ME2: variants seen among roughly 807,000 people sequenced by gnomAD.
The protein encoded by ME2 is malic enzyme 2.
In ME2, 60 loss-of-function variants were observed where a neutral mutation model predicts 73.7. The ratio of observed to expected loss-of-function variants is 0.81; its 90% CI spans 0.66 to 1.01. The LOEUF is 1.01. Ranked by LOEUF, ME2 falls within the 50% of genes least tolerant of loss-of-function variation. The pLI, the probability that ME2 is intolerant of heterozygous loss-of-function variation, is 0.00. For missense variants in ME2, 594 were observed against 705.5 expected (o/e 0.84, Z 1.79); for synonymous variants, 199 against 236.9 (o/e 0.84, Z 1.47).
chr18:50,901,310 G>A (rs1292728475), intron 2 of ME2, among the ~76,000 whole-genome samples: 1 of 152,210 alleles, frequency 6.6e-6, no homozygotes, highest in Non-Finnish European at 1.5e-5. Flanking sequence ...CATTACAAAC[G>A]TAAATCAGTA....
chr18:50,927,741 T>C (rs1917592154), intron 12 of ME2, among the ~76,000 whole-genome samples: 1 of 134,048 alleles, frequency 7.5e-6, no homozygotes. Context: ...TATATATATA[T>C]ATATATATAT....
In ME2 at chr18:50,913,860, TACACACACACAC is replaced by T. The variant is rs1555677139; in HGVS notation, c.392+930_392+941del. Among the ~76,000 whole-genome samples the T allele has an allele frequency of 2.8e-5, 4 of 143,284 alleles. No individual in the cohort carries two copies. In the South Asian group the frequency reaches 6.9e-4, roughly 25 times the overall value. 94.0% of individuals were successfully genotyped at this position (143,284 alleles called of 152,430 possible). A position where few individuals can be genotyped will look rare whatever the true frequency, so the allele number is the denominator to read the frequency against. ...CTTTGGAAAATTATCAGCAATATTA[TACACACACACAC>T]ACACACACACACACACACATATGCT... On this transcript the variant is annotated intron_variant, in intron 4 of 15. Coordinates refer to ENST00000321341, the MANE Select transcript of ME2 (RefSeq NM_002396.5).
chr18:50,879,771 C>G (rs1162832241), intron 1 of ME2, among the ~76,000 whole-genome samples: 1 of 152,230 alleles, frequency 6.6e-6, no homozygotes, highest in Non-Finnish European at 1.5e-5. Context: ...TGGCTCCTCC[C>G]TTTAAAAAAA....
At chr18:50,908,814 T>C (rs1434030183) in intron 3 of ME2, among the ~76,000 whole-genome samples, 1 of 152,066 alleles carries the variant, frequency 6.6e-6, no homozygotes, top group East Asian at 1.9e-4. Context: ...CTAATTTTTT[T>C]ATTTGTAGTA....
Position 50,887,697 on chromosome 18 carries a change from A to G in ME2, c.-12-8112A>G, listed in dbSNP as rs188256895. ...TGTAGAAACTAGTTTTAGCTTGTAA[A>G]CTCTCAGGATCTCATATAGAGGCAA... On this transcript the variant is annotated intron_variant, in intron 1 of 15. Coordinates refer to ENST00000321341, the MANE Select transcript of ME2 (RefSeq NM_002396.5). Among the ~76,000 whole-genome samples, 296 of 152,178 alleles carry G rather than the reference A, an allele frequency of 1.9e-3. 2 individuals are homozygous for G. The highest frequency in any genetic ancestry group is 6.8e-3 in the African/African-American group (284 of 41,512).
rs115756213 is a variant in ME2 at position 50,936,831 on chromosome 18, C to T, written c.1418-2739C>T. Among the ~76,000 whole-genome samples the T allele has an allele frequency of 2.4e-3, 358 of 152,008 alleles. 2 individuals carry two copies. The highest frequency in any genetic ancestry group is 8.3e-3 in the African/African-American group (346 of 41,474). On this transcript the variant is annotated intron_variant, in intron 13 of 15. Coordinates refer to ENST00000321341, the MANE Select transcript of ME2 (RefSeq NM_002396.5). ...CTGTAGTCCCAGCTACTCCAGACACCGAGGACAGATGATCACTTGAGCCTA... is the reference window on the plus strand; with the variant it reads ...CTGTAGTCCCAGCTACTCCAGACACTGAGGACAGATGATCACTTGAGCCTA...
chr18:50,885,810 A>G (rs1463267585), intron 1 of ME2, among the ~76,000 whole-genome samples: 2 of 152,164 alleles, frequency 1.3e-5, no homozygotes, highest in African/African-American at 2.4e-5. Flanking sequence ...TCTGCAGTAT[A>G]ATAATAAATG....
In ME2 at chr18:50,918,201, C is replaced by T. The variant is rs770362131; in HGVS notation, c.722C>T (p.Ala241Val). ...YDDLIDEFMK[A>V]ITDRYGRNTL... ...GACCTGATTGATGAGTTTATGAAAG[C>T]TATTACTGACAGGTATTTTTTAAAA... Residue 241 changes from alanine (A) to valine (V), a missense_variant, in exon 7 of 16, where the codon GCT (alanine) becomes GTT (valine). By Grantham distance (64) the Ala-to-Val change is moderately conservative (BLOSUM62 0). Transcript: ENST00000321341. The T allele has an allele frequency of 2.6e-5, 41 of 1,600,682 alleles. No individual in the cohort carries two copies. Among genetic ancestry groups the T allele is most frequent in the Non-Finnish European group, 3.5e-5 (41 of 1,170,542 alleles).
At chr18:50,892,090 G>C (rs1916617942) in intron 1 of ME2, among the ~76,000 whole-genome samples, 2 of 151,898 alleles carry the variant, frequency 1.3e-5, no homozygotes, top group African/African-American at 2.4e-5. Context: ...CAAAGTGCTG[G>C]GATTACAGGG....
At chr18:50,890,357 AC>A (rs1379062983) in intron 1 of ME2, among the ~76,000 whole-genome samples, 2 of 152,118 alleles carry the variant, frequency 1.3e-5, no homozygotes, top group African/African-American at 4.8e-5. Flanking sequence ...CAAGTGATCC[AC>A]CCATCTCAGC....
chr18:50,925,771 G>T lies in ME2; in HGVS notation c.1187G>T (p.Gly396Val), dbSNP rs1166106182. The change falls in exon 12 of 16, where the codon GGC becomes GTC. Residue 396 changes from glycine to valine, a missense_variant. Transcript: ENST00000321341. ...CTTATTACAGGAGTTGCAGGTGCTGGCCGTCTTTTCACTCCTGATGTAATC... is the reference window on the plus strand; with the variant it reads ...CTTATTACAGGAGTTGCAGGTGCTGTCCGTCTTTTCACTCCTGATGTAATC... ...PSTIIGVAGA[G>V]RLFTPDVIRA... The T allele has an allele frequency of 1.2e-6, 2 of 1,613,674 alleles. No homozygotes were observed. The highest frequency in any genetic ancestry group is 1.7e-6 in the Non-Finnish European group (2 of 1,179,834).
Position 50,939,618 on chromosome 18 carries a change from G to A in ME2, c.1466G>A (p.Ser489Asn), listed in dbSNP as rs747262299. 30 of 1,611,460 alleles carry A rather than the reference G, an allele frequency of 1.9e-5. No homozygotes were observed. Among genetic ancestry groups the A allele is most frequent in the South Asian group, 1.2e-4 (11 of 91,014 alleles). ...ILCNTRHISD[S>N]VFLEAAKALT... ...TGTAACACCCGGCATATTAGTGACA[G>A]TGTTTTCCTAGAAGCTGCAAAGGTA... The change falls in exon 14 of 16, where the codon AGT becomes AAT. Residue 489 changes from serine (S) to asparagine (N), a missense_variant. Ser to Asn is a conservative substitution (Grantham distance 46). Coordinates refer to ENST00000321341, the MANE Select transcript of ME2 (RefSeq NM_002396.5).
At chr18:50,927,810 A>ATT (rs545334028) in intron 12 of ME2, among the ~76,000 whole-genome samples, 2 of 73,090 alleles carry the variant, frequency 2.7e-5, no homozygotes, top group African/African-American at 6.0e-5. Flanking sequence ...TTGTCATTTA[A>ATT]TTTTTTTTTT....
intron 15 of ME2, among the ~76,000 whole-genome samples, chr18:50,943,608 CTA>C (rs1295015600): frequency 2.0e-5 from 3 of 151,990 alleles, no homozygotes; most frequent in Non-Finnish European, 4.4e-5. Flanking sequence ...CCAGCTTTGA[CTA>C]TTAATTTTAT....
chr18:50,888,182 A>G (rs1916521384), intron 1 of ME2, among the ~76,000 whole-genome samples: 2 of 152,100 alleles, frequency 1.3e-5, no homozygotes, highest in Non-Finnish European at 2.9e-5. Flanking sequence ...TCTCTACAAA[A>G]AAAACTACAA....
rs1413938237 is a variant in ME2 at position 50,951,304 on chromosome 18, A to G, written c.*4120A>G. The G allele has an allele frequency of 1.3e-5, 2 of 152,210 alleles. No homozygotes were observed. Among genetic ancestry groups the G allele is most frequent in the Non-Finnish European group, 2.9e-5 (2 of 68,044 alleles). The allele number at this position is 152,210 out of a possible 1,614,324, so 9.4% of individuals were successfully genotyped here. A position where few individuals can be genotyped will look rare whatever the true frequency, so the allele number is the denominator to read the frequency against. ...GATCAAAACGTCATTATTAAGGAGT[A>G]TGAAGCATTATTTACTGGCTCTCAG... On this transcript the variant is annotated 3_prime_UTR_variant, in exon 16 of 16. Transcript: ENST00000321341.
At position 50,916,209 on chromosome 18, in the gene ME2, C is replaced by G; in HGVS notation, c.434C>G (p.Ser145Ter). The change falls in exon 5 of 16, where the codon TCA becomes TGA. Residue 145 changes from serine (S) to a stop codon, truncating the protein, a stop_gained. Coordinates refer to ENST00000321341, the MANE Select transcript of ME2 (RefSeq NM_002396.5). LOFTEE classifies it high-confidence loss of function. ...ATCTCAGACAGAGGTCATGTTAGATCAATTGTGGATAACTGGCCAGAAAAT... is the reference window on the plus strand; with the variant it reads ...ATCTCAGACAGAGGTCATGTTAGATGAATTGTGGATAACTGGCCAGAAAAT... ...ISISDRGHVR[S>*]IVDNWPENHV... 1 of 1,612,576 alleles carries G rather than the reference C, an allele frequency of 6.2e-7. No individual in the cohort carries two copies. The highest frequency in any genetic ancestry group is 8.5e-7 in the Non-Finnish European group (1 of 1,179,232).
At position 50,908,403 on chromosome 18, in the gene ME2, A is replaced by G. The variant is rs192664726; in HGVS notation, c.242+207A>G. 7.9e-5 allele frequency among the ~76,000 whole-genome samples: 12 copies of G among 152,322 alleles called. No individual in the cohort carries two copies. In the East Asian group the frequency reaches 2.3e-3, roughly 29 times the overall value. On this transcript the variant is annotated intron_variant, in intron 3 of 15. Transcript: ENST00000321341. ...TGTAAAACTTAACAAATTAGTTTTTATGCTTACAGTCAGAGCAATTCAGGT... is the reference window on the plus strand; with the variant it reads ...TGTAAAACTTAACAAATTAGTTTTTGTGCTTACAGTCAGAGCAATTCAGGT...
Position 50,921,054 on chromosome 18 carries a change from A to T in ME2, c.943-20A>T. 10 of 1,302,480 alleles carry T rather than the reference A, an allele frequency of 7.7e-6. No homozygotes were observed. Among genetic ancestry groups the T allele is most frequent in the Non-Finnish European group, 1.1e-5 (10 of 927,482 alleles). 80.7% of individuals were successfully genotyped at this position (1,302,480 alleles called of 1,614,324 possible). A position where few individuals can be genotyped will look rare whatever the true frequency, so the allele number is the denominator to read the frequency against. On this transcript the variant is annotated intron_variant, in intron 9 of 15. Coordinates refer to ENST00000321341, the MANE Select transcript of ME2 (RefSeq NM_002396.5). ...GCATCGTACTCTAGTATATATTAAA[A>T]TTTATGTTTTGTTGAACAGGCTGCT... is the stretch of plus-strand genomic sequence containing the variant.
Sources: allele counts gnomAD v4.1 joint callset (sites outside exome capture counted in the v4.1 genomes callset), GRCh38; gene constraint gnomAD v4.1.1; transcripts MANE v1.5; gene names NCBI Gene and HGNC (gene_info 2026-07-23, HGNC 2026-07-21).